ANKRD16: variants seen among roughly 807,000 people sequenced by gnomAD.
The protein encoded by ANKRD16 is ankyrin repeat domain 16.
A neutral mutation model predicts 37.9 loss-of-function variants in ANKRD16; 35 were observed. The ratio of observed to expected loss-of-function variants is 0.92; its 90% confidence interval spans 0.71 to 1.23. The LOEUF is 1.23. Among genes scored for constraint, ANKRD16 ranks in the 50% most tolerant of loss-of-function variants. ANKRD16 has a pLI of 0.00. For missense variants in ANKRD16, 480 were observed against 469.9 expected (o/e 1.02, Z -0.20); for synonymous variants, 206 against 197.2 (o/e 1.04, Z -0.37).
In ANKRD16 at chr10:5,873,028, C is replaced by CTTT. The variant is rs573396387; in HGVS notation, c.*33+5066_*33+5068dup. On this transcript the variant is annotated intron_variant, in intron 7 of 7. Transcript: ENST00000380094. ...GTGTGCCCCACCACACCTGGCTAAT[C>CTTT]TTTTTTTTTTTTTTTTTCTGAGACA... is the stretch of plus-strand genomic sequence containing the variant. 2.1e-3 allele frequency among the ~76,000 whole-genome samples: 242 copies of CTTT among 116,086 alleles called. 5 individuals are homozygous for CTTT. The highest frequency in any genetic ancestry group is 7.4e-3 in the African/African-American group (224 of 30,196). 76.2% of individuals were successfully genotyped at this position (116,086 alleles called of 152,430 possible).
chr10:5,881,449 T>A (rs941585947), intron 5 of ANKRD16, among the ~76,000 whole-genome samples: 2,218 of 29,104 alleles, frequency 0.076, 90 homozygotes, highest in African/African-American at 0.16. Context: ...TATATATATA[T>A]ATATATATAT....
chr10:5,885,115 G>A (rs1043495978), intron 3 of ANKRD16, among the ~76,000 whole-genome samples: 2 of 152,196 alleles, frequency 1.3e-5, no homozygotes, highest in African/African-American at 4.8e-5. Flanking sequence ...AGTTCCAGGA[G>A]GGTAGAAACT....
rs1278595303 is a variant in ANKRD16 at position 5,889,462 on chromosome 10, G to T, written c.-108C>A. On this transcript the variant is annotated 5_prime_UTR_variant, in exon 1 of 8. Transcript: ENST00000380094. ...GACTTTCCGCCTCTTCACGCAACCT[G>T]CCCCGCGCGCCCCGAACCCGGCAGA... 5 of 786,498 alleles carry T rather than the reference G, an allele frequency of 6.4e-6. No individual in the cohort carries two copies. In the East Asian group the frequency reaches 1.7e-4, roughly 26 times the overall value. 48.7% of individuals were successfully genotyped at this position (786,498 alleles called of 1,614,324 possible).
Position 5,863,509 on chromosome 10 carries a change from GTGGACCAATCAGCACTCTGTAAAA to G in ANKRD16, c.*34-842_*34-819del, listed in dbSNP as rs1841970468. On this transcript the variant is annotated intron_variant, in intron 7 of 7. Coordinates refer to ENST00000380094, the MANE Select transcript of ANKRD16 (RefSeq NM_019046.3). This position sits in a 1 kb window ranked among gnomAD's most constrained non-coding sequence, Gnocchi z 4.7. The stretch of plus-strand genomic sequence containing the variant: ...AACATACCAATCAGCACGCTGTAAA[GTGGACCAATCAGCACTCTGTAAAA>G]TGGACCAATCAGCAGGACGTGGGCG... 6.6e-6 allele frequency among the ~76,000 whole-genome samples: 1 copy of G among 152,030 alleles called. No homozygotes were observed. Among genetic ancestry groups the G allele is most frequent in the African/African-American group, 2.4e-5 (1 of 41,360 alleles).
In ANKRD16 at chr10:5,878,888, G is replaced by A. The variant is rs1291642549; in HGVS notation, c.929-601C>T. Among the ~76,000 whole-genome samples the A allele has an allele frequency of 7.9e-5, 12 of 152,132 alleles. No individual in the cohort carries two copies. Among genetic ancestry groups the A allele is most frequent in the Admixed American group, 7.9e-4 (12 of 15,270 alleles). ...CCTCTTCATACGCCTGAATGCTCTG[G>A]AAACACACTTTAAATGGTACAAAAA... On this transcript the variant is annotated intron_variant, in intron 6 of 7. Coordinates refer to ENST00000380094, the MANE Select transcript of ANKRD16 (RefSeq NM_019046.3). This position sits in a 1 kb window ranked among gnomAD's most constrained non-coding sequence, Gnocchi z 5.1.
At chr10:5,882,607 C>T (rs1013473349) in intron 5 of ANKRD16, 6 of 155,756 alleles carry the variant, frequency 3.9e-5, no homozygotes, top group African/African-American at 1.2e-4. Flanking sequence ...TGCTTATCTT[C>T]AATATACCCC....
chr10:5,888,672 C>G lies in ANKRD16; in HGVS notation c.314+369G>C, dbSNP rs117115066. Among the ~76,000 whole-genome samples, 10 of 152,372 alleles carry G rather than the reference C, an allele frequency of 6.6e-5. No individual in the cohort carries two copies. The East Asian group carries it at 1.5e-3, about 23-fold the overall frequency. ...TTGATTGGAGCAATGCCACTTGAAACAATGCATTGGTGCAGAAGTAACTTA... is the reference window on the plus strand; with the variant it reads ...TTGATTGGAGCAATGCCACTTGAAAGAATGCATTGGTGCAGAAGTAACTTA... On this transcript the variant is annotated intron_variant, in intron 1 of 7. Transcript: ENST00000380094.
rs989366954 is a variant in ANKRD16 at position 5,889,433 on chromosome 10, G to C, written c.-79C>G. 1 of 1,053,444 alleles carries C rather than the reference G, an allele frequency of 9.5e-7. No individual in the cohort carries two copies. Among genetic ancestry groups the C allele is most frequent in the African/African-American group, 1.7e-5 (1 of 59,514 alleles). 65.3% of individuals were successfully genotyped at this position (1,053,444 alleles called of 1,614,324 possible). A position where few individuals can be genotyped will look rare whatever the true frequency, so the allele number is the denominator to read the frequency against. On this transcript the variant is annotated 5_prime_UTR_variant, in exon 1 of 8. Transcript: ENST00000380094. ...CCGGGCAGGGAGAAGCCGAGGGCGA[G>C]TGGGACTTTCCGCCTCTTCACGCAA... is the stretch of plus-strand genomic sequence containing the variant.
chr10:5,879,224 T>C (rs528490427), intron 6 of ANKRD16, among the ~76,000 whole-genome samples: 11 of 152,170 alleles, frequency 7.2e-5, no homozygotes, highest in Admixed American at 7.2e-4. Context: ...CTGTAATCCC[T>C]GCACTTTGGG....
In ANKRD16 at chr10:5,887,897, C is replaced by T. The variant is rs750489984; in HGVS notation, c.485G>A (p.Gly162Asp). Residue 162 changes from glycine (G) to aspartate (D), a missense_variant, in exon 2 of 8, where the codon GGT (glycine) becomes GAT (aspartate). Gly to Asp is a moderately conservative substitution (Grantham distance 94). Transcript: ENST00000380094. ...ILQYLLTVCP[G>D]AWKTESKIRR... ...AATTTTGCTCTCTGTCTTCCAGGCA[C>T]CTGGGCAAACAGTGAGCAGGTACTG... The T allele has an allele frequency of 1.2e-6, 2 of 1,614,104 alleles. No homozygotes were observed. The highest frequency in any genetic ancestry group is 2.7e-5 in the African/African-American group (2 of 74,944).
At position 5,885,871 on chromosome 10, in the gene ANKRD16, C is replaced by G. The variant is rs1033997179; in HGVS notation, c.536-106G>C. 10 of 1,129,100 alleles carry G rather than the reference C, an allele frequency of 8.9e-6. No individual in the cohort carries two copies. In the African/African-American group the frequency reaches 1.6e-4, roughly 18 times the overall value. 69.9% of individuals were successfully genotyped at this position (1,129,100 alleles called of 1,614,324 possible). On this transcript the variant is annotated intron_variant, in intron 2 of 7. Coordinates refer to ENST00000380094, the MANE Select transcript of ANKRD16 (RefSeq NM_019046.3). Reference sequence around the variant, plus strand: ...GCCCCGTTCTATTAGTGATAGCTTACAAGAAGGAGTCATTAAATTGGGTAC... The same window carrying G: ...GCCCCGTTCTATTAGTGATAGCTTAGAAGAAGGAGTCATTAAATTGGGTAC...
intron 7 of ANKRD16, among the ~76,000 whole-genome samples, chr10:5,872,660 C>T (rs1256841851): frequency 4.7e-5 from 7 of 148,294 alleles, no homozygotes; most frequent in Non-Finnish European, 9.0e-5. Context: ...GGATTCACGC[C>T]ATACTCCTGC....
rs765806496 is a variant in ANKRD16 at position 5,871,527 on chromosome 10, G to A, written c.*33+6570C>T. On this transcript the variant is annotated intron_variant, in intron 7 of 7. Coordinates refer to ENST00000380094, the MANE Select transcript of ANKRD16 (RefSeq NM_019046.3). This position sits in a 1 kb window ranked among gnomAD's most constrained non-coding sequence, Gnocchi z 4.5. ...ATTATTATCCATTCTTGTAGGAAAC[G>A]TAATAAATGTGCTCCACAAATCCCC... Among the ~76,000 whole-genome samples the A allele has an allele frequency of 4.1e-4, 62 of 152,312 alleles. No individual in the cohort carries two copies. The highest frequency in any genetic ancestry group is 3.4e-3 in the Middle Eastern group (1 of 294).
rs1842043332 is a variant in ANKRD16 at position 5,868,293 on chromosome 10, T to C, written c.*34-5602A>G. Among the ~76,000 whole-genome samples the C allele has an allele frequency of 6.6e-6, 1 of 152,152 alleles. No individual in the cohort carries two copies. Among genetic ancestry groups the C allele is most frequent in the Non-Finnish European group, 1.5e-5 (1 of 68,020 alleles). ...TTGACTGGCCTAAAGAGTTCCCCTC[T>C]AGAGGACACTACAACTGCAGGGACC... On this transcript the variant is annotated intron_variant, in intron 7 of 7. Coordinates refer to ENST00000380094, the MANE Select transcript of ANKRD16 (RefSeq NM_019046.3). The surrounding 1 kb of genome is among the most constrained non-coding windows in gnomAD (Gnocchi z 4.9).
rs1054171104 is a variant in ANKRD16, at chr10:5,887,925, G to A, written c.457C>T (p.Leu153Phe). The A allele has an allele frequency of 1.3e-5, 21 of 1,614,062 alleles. No homozygotes were observed. The highest frequency in any genetic ancestry group is 8.3e-5 in the Admixed American group (5 of 60,010). ...GGGCAAACAGTGAGCAGGTACTGGA[G>A]GATCAGAGGGTCGCCTTCTCGACTG... ...IASREGDPLI[L>F]QYLLTVCPGA... The change falls in exon 2 of 8, where the codon CTC (leucine) becomes TTC (phenylalanine). Residue 153 changes from leucine to phenylalanine, a missense_variant. By Grantham distance (22) the Leu-to-Phe change is conservative. Coordinates refer to ENST00000380094, the MANE Select transcript of ANKRD16 (RefSeq NM_019046.3).
intron 7 of ANKRD16, among the ~76,000 whole-genome samples, chr10:5,867,746 A>G (rs1487163102): frequency 6.6e-6 from 1 of 152,210 alleles, no homozygotes; most frequent in African/African-American, 2.4e-5. Flanking sequence ...CGGAATAGCC[A>G]GTTTATCTAC....
Position 5,866,328 on chromosome 10 carries a change from G to GATAATAA in ANKRD16, c.*34-3638_*34-3637insTTATTAT, listed in dbSNP as rs1842013836. On this transcript the variant is annotated intron_variant, in intron 7 of 7. Coordinates refer to ENST00000380094, the MANE Select transcript of ANKRD16 (RefSeq NM_019046.3). This position sits in a 1 kb window ranked among gnomAD's most constrained non-coding sequence, Gnocchi z 4.3. Reference sequence around the variant, plus strand: ...CTTAGAAGTCCCCTTAGTTAATCCTGACCTTAATCTATATACTGATGAAAG... The same window carrying GATAATAA: ...CTTAGAAGTCCCCTTAGTTAATCCTGATAATAAACCTTAATCTATATACTGATGAAAG... 6.6e-6 allele frequency among the ~76,000 whole-genome samples: 1 copy of GATAATAA among 152,194 alleles called. No homozygotes were observed. Among genetic ancestry groups the GATAATAA allele is most frequent in the Non-Finnish European group, 1.5e-5 (1 of 68,046 alleles).
chr10:5,884,458 C>T (rs1842380196), intron 3 of ANKRD16, among the ~76,000 whole-genome samples: 1 of 152,178 alleles, frequency 6.6e-6, no homozygotes, highest in South Asian at 2.1e-4. Flanking sequence ...GAGCTGGGCA[C>T]AGTGGCTCAC....
chr10:5,871,128 T>C lies in ANKRD16; in HGVS notation c.*33+6969A>G, dbSNP rs570523645. ...GCAGCCAGGCTTGGTGGTTCACGCC[T>C]GTAATCCCAGCACTTTGGGAGGCCA... On this transcript the variant is annotated intron_variant, in intron 7 of 7. Transcript: ENST00000380094. The surrounding 1 kb of genome is among the most constrained non-coding windows in gnomAD (Gnocchi z 4.5). 6.6e-6 allele frequency among the ~76,000 whole-genome samples: 1 copy of C among 152,296 alleles called. No individual in the cohort carries two copies. The highest frequency in any genetic ancestry group is 2.1e-4 in the South Asian group (1 of 4,828).
Sources: gnomAD v4.1 joint callset for allele counts (sites outside exome capture counted in the v4.1 genomes callset) on GRCh38, gnomAD v4.1.1 for gene constraint, Gnocchi (gnomAD v3.1) non-coding constraint, MANE v1.5 for transcripts, NCBI Gene and HGNC (gene_info 2026-07-23, HGNC 2026-07-21) for gene names.